PUDP: variants seen among roughly 807,000 people sequenced by gnomAD.
The protein encoded by PUDP is pseudouridine-5'-phosphatase.
PUDP carries 8 observed loss-of-function variants against 9.4 expected under a neutral mutation model. The ratio of observed to expected loss-of-function variants is 0.85; its 90% CI spans 0.50 to 1.53. The LOEUF is 1.53. Among genes scored for constraint, PUDP ranks in the 40% most tolerant of loss-of-function variants. PUDP has a pLI of 0.00. For synonymous variants in PUDP, 99 were observed against 80.7 expected, an observed-to-expected ratio of 1.23 and a Z score of -1.22; for missense variants, 188 against 189.7, an observed-to-expected ratio of 0.99 and a Z score of 0.05.
chrX:7,010,529 A>C (rs1014848603), intron 1 of PUDP, among the ~76,000 whole-genome samples: 4 of 111,820 alleles, frequency 3.6e-5, no homozygotes, highest in African/African-American at 1.3e-4. Flanking sequence ...TGGGAGACAC[A>C]ATTTTTGACT....
chrX:6,756,200 C>T (rs944039097), intron 3 of PUDP, among the ~76,000 whole-genome samples: 3 of 110,758 alleles, frequency 2.7e-5, no homozygotes, highest in Non-Finnish European at 3.8e-5. Context: ...ACATAGAGTT[C>T]CCATAGGACC....
chrX:7,101,066 T>C (rs944816447), intron 2 of PUDP, among the ~76,000 whole-genome samples: 1 of 112,282 alleles, frequency 8.9e-6, no homozygotes, highest in Non-Finnish European at 1.9e-5. Flanking sequence ...CAGCATTACC[T>C]TGTGCATTTC....
At chrX:6,989,802 G>A (rs1029204131) in intron 1 of PUDP, 1 of 112,189 alleles carries the variant, frequency 8.9e-6, no homozygotes, top group Non-Finnish European at 1.9e-5. Flanking sequence ...GAGTTAATAA[G>A]AGACATGAAC....
chrX:6,860,555 C>T (rs1374641427), intron 3 of PUDP, among the ~76,000 whole-genome samples: 4 of 109,653 alleles, frequency 3.6e-5, no homozygotes, highest in African/African-American at 1.3e-4. Context: ...ACTGCAACCT[C>T]CTGCCTCCCA....
chrX:7,139,300 C>G (rs1393894303), intron 1 of PUDP, among the ~76,000 whole-genome samples: 1 of 111,925 alleles, frequency 8.9e-6, no homozygotes, highest in Non-Finnish European at 1.9e-5. Flanking sequence ...TATTTTGTGT[C>G]TCTATGTTAC....
At chrX:7,040,853 CTT>C (rs1929912282) in intron 1 of PUDP, among the ~76,000 whole-genome samples, 1 of 110,706 alleles carries the variant, frequency 9.0e-6, no homozygotes, top group Non-Finnish European at 1.9e-5. Flanking sequence ...CTCCCCATCT[CTT>C]GACACCCCTG....
At chrX:6,767,313 C>G (rs889567378) in intron 3 of PUDP, among the ~76,000 whole-genome samples, 2 of 112,571 alleles carry the variant, frequency 1.8e-5, no homozygotes, top group African/African-American at 6.4e-5. Context: ...AGAGGAAGGG[C>G]TTATGGGTGT....
chrX:6,772,779 A>AAAC (rs1925388305), intron 3 of PUDP, among the ~76,000 whole-genome samples: 2 of 106,709 alleles, frequency 1.9e-5, no homozygotes, highest in Non-Finnish European at 3.9e-5. Context: ...GCAGAAAATT[A>AAAC]AAACAAACAA....
intron 3 of PUDP, among the ~76,000 whole-genome samples, chrX:6,795,827 G>T (rs1253798184): frequency 9.0e-6 from 1 of 111,523 alleles, no homozygotes; most frequent in African/African-American, 3.3e-5. Flanking sequence ...ATGAGAAAAT[G>T]ACTTAGAGGT....
At chrX:6,816,567 C>T (rs1926239428) in intron 3 of PUDP, among the ~76,000 whole-genome samples, 2 of 100,619 alleles carry the variant, frequency 2.0e-5, no homozygotes, top group South Asian at 8.4e-4. Flanking sequence ...ATATTATATA[C>T]ATATATAGTA....
chrX:6,758,966 G>A (rs1569093628), intron 3 of PUDP, among the ~76,000 whole-genome samples: 1 of 112,053 alleles, frequency 8.9e-6, no homozygotes, highest in Non-Finnish European at 1.9e-5. Context: ...GAGATTCTGG[G>A]TGGAGAGATG....
In PUDP at chrX:7,042,659, T is replaced by G. The variant is rs201393213; in HGVS notation, c.204+34561A>C. Reference sequence around the variant, plus strand: ...TGGGTGGACATATGTTTTCATTTTTTGGGGGGGGTAGACATCAAAGAGTAG... The same window carrying G: ...TGGGTGGACATATGTTTTCATTTTTGGGGGGGGGTAGACATCAAAGAGTAG... On this transcript the variant is annotated intron_variant and NMD_transcript_variant, in intron 1 of 3. Transcript: ENST00000655425. 7.7e-5 allele frequency among the ~76,000 whole-genome samples: 8 copies of G among 104,110 alleles called. No homozygotes were observed. The East Asian group carries it at 1.5e-3, about 19-fold the overall frequency. 90.4% of individuals were successfully genotyped at this position (104,110 alleles called of 115,157 possible).
At position 7,050,310 on chromosome X, in the gene PUDP, G is replaced by A; in HGVS notation, c.673C>T (p.Pro225Ser). ...GGCCCTCCCTCTCACTCATAGGAGG[G>A]CAAACCAAACAGCTCGGGCTGGAAG... is the stretch of plus-strand genomic sequence containing the variant. ...QDFQPELFGLPSYE is the reference protein window; with the variant it reads ...QDFQPELFGLSSYE Residue 225 changes from proline to serine, a missense_variant, in exon 4 of 4, where the codon CCC (proline) becomes TCC (serine). Coordinates refer to ENST00000381077, the MANE Select transcript of PUDP (RefSeq NM_012080.5). 8.3e-7 allele frequency: 1 copy of A among 1,210,937 alleles called. No individual in the cohort carries two copies. The highest frequency in any genetic ancestry group is 1.7e-5 in the African/African-American group (1 of 57,811).
intron 3 of PUDP, among the ~76,000 whole-genome samples, chrX:7,075,654 T>TGGGGAG (rs748136866): frequency 9.0e-6 from 1 of 111,274 alleles, no homozygotes; most frequent in African/African-American, 3.3e-5. Flanking sequence ...CATAAAAACC[T>TGGGGAG]CTACATAAGG....
At chrX:6,791,954 G>T (rs542376864) in intron 3 of PUDP, among the ~76,000 whole-genome samples, 3 of 111,727 alleles carry the variant, frequency 2.7e-5, no homozygotes, top group African/African-American at 9.8e-5. Context: ...AAAAACATTT[G>T]AGTGGGAGTG....
intron 3 of PUDP, among the ~76,000 whole-genome samples, chrX:6,788,009 T>G (rs1293970345): frequency 8.9e-6 from 1 of 112,163 alleles, no homozygotes; most frequent in African/African-American, 3.2e-5. Context: ...TTTCCACTGA[T>G]AATTGTTCAA....
At chrX:6,780,252 T>C (rs968644828) in intron 3 of PUDP, among the ~76,000 whole-genome samples, 1 of 109,667 alleles carries the variant, frequency 9.1e-6, no homozygotes, top group Non-Finnish European at 1.9e-5. Flanking sequence ...TATATACATA[T>C]ATACACACAC....
chrX:6,752,597 A>C (rs1467372720), intron 3 of PUDP, among the ~76,000 whole-genome samples: 1 of 111,888 alleles, frequency 8.9e-6, no homozygotes, highest in Admixed American at 9.5e-5. Flanking sequence ...AGGCTGTGGC[A>C]GTACAGGAAG....
At chrX:6,726,626 A>G (rs1924741240) in intron 3 of PUDP, among the ~76,000 whole-genome samples, 1 of 111,847 alleles carries the variant, frequency 8.9e-6, no homozygotes, top group African/African-American at 3.2e-5. Context: ...ATGATTTAAC[A>G]TTTTCTTCTT....
Sources: gnomAD v4.1 joint callset for allele counts (sites outside exome capture counted in the v4.1 genomes callset) on GRCh38, gnomAD v4.1.1 for gene constraint, MANE v1.5 for transcripts, NCBI Gene and HGNC (gene_info 2026-07-23, HGNC 2026-07-21) for gene names.